The following NKAIN3 variants were observed in gnomAD, a reference collection of about 807,000 sequenced individuals.
NKAIN3 encodes the protein sodium/potassium transporting ATPase interacting 3, also known as sodium/potassium-transporting ATPase subunit beta-1-interacting protein 3.
A neutral mutation model predicts 30.2 loss-of-function variants in NKAIN3; 25 were observed. The ratio of observed to expected loss-of-function variants is 0.83; its 90% CI spans 0.60 to 1.16. The LOEUF (loss-of-function observed/expected upper bound fraction) is 1.16. Among genes scored for constraint, NKAIN3 ranks in the 50% most tolerant of loss-of-function variants. NKAIN3 has a pLI of 0.00. For synonymous variants in NKAIN3, 91 were observed against 89.6 expected (o/e 1.02, Z -0.09); for missense variants, 225 against 254.1 (o/e 0.89, Z 0.78).
intron 4 of NKAIN3, among the ~76,000 whole-genome samples, chr8:62,817,306 T>C (rs963657499): frequency 2.6e-5 from 4 of 152,200 alleles, no homozygotes; most frequent in Non-Finnish European, 5.9e-5. Context: ...TAAATGTGTG[T>C]TCCAGTTGTT....
intron 4 of NKAIN3, among the ~76,000 whole-genome samples, chr8:62,782,679 G>A (rs998743861): frequency 1.3e-5 from 2 of 151,056 alleles, no homozygotes; most frequent in African/African-American, 4.9e-5. Context: ...GCATGGAAAG[G>A]CAAATACTAC....
At chr8:62,288,309 G>C (rs568635909) in intron 1 of NKAIN3, among the ~76,000 whole-genome samples, 1 of 152,086 alleles carries the variant, frequency 6.6e-6, no homozygotes, top group African/African-American at 2.4e-5. Context: ...TGTTACAAAT[G>C]TATACATGTG....
intron 2 of NKAIN3, among the ~76,000 whole-genome samples, chr8:62,582,161 T>G (rs572035732): frequency 6.7e-6 from 1 of 149,662 alleles, no homozygotes; most frequent in Admixed American, 6.7e-5. Flanking sequence ...TTCTTTCCCT[T>G]CCTCTCCCCA....
At chr8:62,492,793 C>T (rs1807113209) in intron 1 of NKAIN3, among the ~76,000 whole-genome samples, 1 of 152,038 alleles carries the variant, frequency 6.6e-6, no homozygotes, top group Admixed American at 6.6e-5. Context: ...TGAGATTGCT[C>T]GGTCCAGTGG....
At chr8:62,483,483 C>A in intron 1 of NKAIN3, 1 of 159,830 alleles carries the variant, frequency 6.3e-6, no homozygotes, top group Non-Finnish European at 1.4e-5. Context: ...GCTGGGTAAC[C>A]AATGCTGGAC....
intron 1 of NKAIN3, among the ~76,000 whole-genome samples, chr8:62,574,320 G>C (rs1207962253): frequency 6.6e-6 from 1 of 151,964 alleles, no homozygotes; most frequent in Non-Finnish European, 1.5e-5. Context: ...TCCAAATCTT[G>C]GCTATTGTGA....
chr8:62,480,426 A>G (rs1806677912), intron 1 of NKAIN3, among the ~76,000 whole-genome samples: 2 of 151,976 alleles, frequency 1.3e-5, no homozygotes, highest in South Asian at 2.1e-4. Flanking sequence ...AGCTGGGGGG[A>G]AAATCACTCC....
chr8:62,603,365 A>C (rs1458213594), intron 3 of NKAIN3, among the ~76,000 whole-genome samples: 1 of 152,150 alleles, frequency 6.6e-6, no homozygotes, highest in Non-Finnish European at 1.5e-5. Context: ...TTATAAAATA[A>C]AACTGCACCA....
chr8:62,463,098 C>T (rs1806046709), intron 1 of NKAIN3, among the ~76,000 whole-genome samples: 1 of 152,112 alleles, frequency 6.6e-6, no homozygotes, highest in South Asian at 2.1e-4. Flanking sequence ...TTTTGTCTCT[C>T]CTTTTAGATT....
intron 3 of NKAIN3, among the ~76,000 whole-genome samples, chr8:62,732,744 T>G (rs765373571): frequency 3.9e-5 from 6 of 152,084 alleles, no homozygotes; most frequent in Non-Finnish European, 7.4e-5. Context: ...TATGTGGGGA[T>G]TCTCTTTATG....
chr8:62,430,354 C>CAT (rs990772362), intron 1 of NKAIN3, among the ~76,000 whole-genome samples: 3 of 136,752 alleles, frequency 2.2e-5, no homozygotes, highest in Non-Finnish European at 3.1e-5. Flanking sequence ...GAGATACATA[C>CAT]ATATATATTG....
chr8:62,627,738 C>A lies in NKAIN3; in HGVS notation c.273+37944C>A, dbSNP rs141845645. 2.0e-3 allele frequency among the ~76,000 whole-genome samples: 302 copies of A among 152,164 alleles called. 1 individual carries two copies. The highest frequency in any genetic ancestry group is 6.9e-3 in the African/African-American group (286 of 41,530). ...CTGGTAAAATAGAGGACAAGAAATA[C>A]ACTTTTTGTCATCCTTAGATTGCTA... is the stretch of plus-strand genomic sequence containing the variant. On this transcript the variant is annotated intron_variant, in intron 3 of 6. Coordinates refer to ENST00000623646, the MANE Select transcript of NKAIN3 (RefSeq NM_001304533.3).
intron 3 of NKAIN3, among the ~76,000 whole-genome samples, chr8:62,654,994 C>G (rs1812724525): frequency 6.6e-6 from 1 of 152,134 alleles, no homozygotes; most frequent in Non-Finnish European, 1.5e-5. Context: ...TAGCCAAGGG[C>G]TCTATATTCA....
intron 5 of NKAIN3, among the ~76,000 whole-genome samples, chr8:62,946,285 AG>A (rs1311349039): frequency 6.6e-6 from 1 of 152,146 alleles, no homozygotes; most frequent in Non-Finnish European, 1.5e-5. Context: ...GGCACTGTCA[AG>A]TCCACTGTGC....
chr8:62,280,477 T>G (rs1051897590), intron 1 of NKAIN3, among the ~76,000 whole-genome samples: 1 of 152,106 alleles, frequency 6.6e-6, no homozygotes, highest in Non-Finnish European at 1.5e-5. Context: ...ATGCTTCCAG[T>G]TTTTGCCCAT....
chr8:62,429,688 G>A (rs936162409), intron 1 of NKAIN3, among the ~76,000 whole-genome samples: 1 of 151,748 alleles, frequency 6.6e-6, no homozygotes, highest in African/African-American at 2.4e-5. Context: ...TGCCACTTTT[G>A]TCTAATAGTG....
intron 3 of NKAIN3, among the ~76,000 whole-genome samples, chr8:62,610,373 G>A (rs902052260): frequency 1.3e-5 from 2 of 151,266 alleles, no homozygotes; most frequent in Non-Finnish European, 2.9e-5. Flanking sequence ...GTGCTTGGAT[G>A]AGGGGGTGAC....
chr8:62,302,158 G>A (rs1397254315), intron 1 of NKAIN3, among the ~76,000 whole-genome samples: 1 of 152,056 alleles, frequency 6.6e-6, no homozygotes, highest in East Asian at 1.9e-4. Context: ...GTCATGACTT[G>A]GCAGTGTTTT....
chr8:62,444,073 G>C (rs368615901), intron 1 of NKAIN3, among the ~76,000 whole-genome samples: 1 of 152,054 alleles, frequency 6.6e-6, no homozygotes, highest in East Asian at 1.9e-4. Flanking sequence ...CCACTATGAC[G>C]TGCTGCCTTC....
Sources: allele counts gnomAD v4.1 joint callset (sites outside exome capture counted in the v4.1 genomes callset), GRCh38; gene constraint gnomAD v4.1.1; transcripts MANE v1.5; gene names NCBI Gene and HGNC (gene_info 2026-07-23, HGNC 2026-07-21).